The following TUBGCP2 variants were observed in gnomAD, a reference collection of about 807,000 sequenced individuals.
The protein encoded by TUBGCP2 is gamma-tubulin complex component 2.
A neutral mutation model predicts 92.2 loss-of-function variants in TUBGCP2; 55 were observed. That is an observed-to-expected ratio of 0.60 (90% CI 0.48 to 0.75). TUBGCP2 has a LOEUF of 0.75. TUBGCP2 is among the 30% of genes least tolerant of loss of function. The pLI is 0.00. For synonymous variants in TUBGCP2, 533 were observed against 505.2 expected, an observed-to-expected ratio of 1.06 and a Z score of -0.74; for missense variants, 1,093 against 1,188.9, an observed-to-expected ratio of 0.92 and a Z score of 1.19.
upstream of TUBGCP2, chr10:133,311,827 G>C: frequency 6.2e-7 from 1 of 1,613,382 alleles, no homozygotes; most frequent in Non-Finnish European, 8.5e-7. Context: ...GTGAGAGGCG[G>C]ATCTACAGAC....
rs775082021 is a variant in TUBGCP2 at position 133,302,961 on chromosome 10, G to A, written c.-20C>T. ...ACTCATAGTTTTAGCTCTGAGGCACGAACATCACAATATGTTCTCCTATAG... is the reference window on the plus strand; with the variant it reads ...ACTCATAGTTTTAGCTCTGAGGCACAAACATCACAATATGTTCTCCTATAG... On this transcript the variant is annotated 5_prime_UTR_variant, in exon 2 of 18. Coordinates refer to ENST00000252936, the MANE Select transcript of TUBGCP2 (RefSeq NM_006659.4). 175 of 1,613,816 alleles carry A rather than the reference G, an allele frequency of 1.1e-4. No homozygotes were observed. Among genetic ancestry groups the A allele is most frequent in the South Asian group, 6.1e-4 (56 of 91,070 alleles).
intron 10 of TUBGCP2, among the ~76,000 whole-genome samples, chr10:133,288,637 G>A (rs1847194616): frequency 6.6e-6 from 1 of 152,222 alleles, no homozygotes; most frequent in Non-Finnish European, 1.5e-5. Flanking sequence ...AGGGGAGCTG[G>A]GGCCCCTGGA....
intron 5 of TUBGCP2, among the ~76,000 whole-genome samples, chr10:133,294,724 T>C (rs746588660): frequency 6.6e-6 from 1 of 152,154 alleles, no homozygotes; most frequent in Non-Finnish European, 1.5e-5. Flanking sequence ...CAAGCGATCC[T>C]GTATCCTTAG....
At chr10:133,310,136 G>C, upstream of TUBGCP2, 1 of 1,613,274 alleles carries the variant, frequency 6.2e-7, no homozygotes, top group Non-Finnish European at 8.5e-7. Flanking sequence ...CCAGGGGTCA[G>C]AGGGAGGTGA....
chr10:133,283,261 G>C, intron 14 of TUBGCP2, 40 bp from the exon 15 acceptor site: 1 of 1,612,494 alleles, frequency 6.2e-7, no homozygotes, highest in Non-Finnish European at 8.5e-7. Flanking sequence ...GAAAGACGTG[G>C]CTGACAGACG....
chr10:133,287,612 C>T (rs1036112067), intron 11 of TUBGCP2, among the ~76,000 whole-genome samples: 32 of 133,752 alleles, frequency 2.4e-4, no homozygotes, highest in Admixed American at 1.8e-3. Flanking sequence ...CGTGGTGGCG[C>T]GCACCTGTAA....
chr10:133,285,200 G>C lies in TUBGCP2; in HGVS notation c.1909C>G (p.Arg637Gly), dbSNP rs757783441. The change falls in exon 13 of 18, where the codon CGC becomes GGC. Residue 637 changes from arginine to glycine, a missense_variant. Transcript: ENST00000252936. This position sits in a 1 kb window ranked among gnomAD's most constrained non-coding sequence, Gnocchi z 6.8. ...SLIINRKALT[R>G]YQMLFRHMFY... ...ATGTGCCTGAAGAGCATCTGGTAGC[G>C]AGTGAGGGCTTTCCTGCAAGAGACG... 6.2e-7 allele frequency: 1 copy of C among 1,612,706 alleles called. No individual in the cohort carries two copies. Among genetic ancestry groups the C allele is most frequent in the Non-Finnish European group, 8.5e-7 (1 of 1,179,996 alleles).
chr10:133,299,626 G>T (rs1847587124), intron 3 of TUBGCP2, 23 bp from the exon 4 acceptor site: 7 of 1,576,166 alleles, frequency 4.4e-6, no homozygotes, highest in African/African-American at 1.3e-5. Context: ...AAAACTGTGT[G>T]TTCACACTGG....
intron 1 of TUBGCP2, among the ~76,000 whole-genome samples, chr10:133,305,497 G>A (rs989705361): frequency 6.6e-6 from 1 of 152,090 alleles, no homozygotes; most frequent in Non-Finnish European, 1.5e-5. Flanking sequence ...CGGGCCCGCT[G>A]TCTTTTCTTT....
chr10:133,304,322 C>G (rs565685045), intron 1 of TUBGCP2, among the ~76,000 whole-genome samples: 1 of 152,302 alleles, frequency 6.6e-6, no homozygotes, highest in South Asian at 2.1e-4. Context: ...AAAACACAGG[C>G]AAGGCAACTG....
chr10:133,280,578 T>C (rs981674698), intron 17 of TUBGCP2, among the ~76,000 whole-genome samples: 10 of 152,048 alleles, frequency 6.6e-5, no homozygotes, highest in African/African-American at 2.4e-4. Flanking sequence ...AGCCGCAGGG[T>C]GCCAATGGGG....
At chr10:133,312,209 T>G, upstream of TUBGCP2, 1 of 1,400,382 alleles carries the variant, frequency 7.1e-7, no homozygotes, top group Non-Finnish European at 9.2e-7. Flanking sequence ...CCGTCTGCGT[T>G]TCTAGCGTCA....
chr10:133,307,537 C>T (rs1441133413), intron 1 of TUBGCP2, among the ~76,000 whole-genome samples: 2 of 152,242 alleles, frequency 1.3e-5, no homozygotes, highest in East Asian at 3.9e-4. Context: ...CATCACTCAA[C>T]ATTCTGAGAA....
chr10:133,279,764 G>A lies in TUBGCP2; in HGVS notation c.*2C>T, dbSNP rs780091131. On this transcript the variant is annotated 3_prime_UTR_variant, in exon 18 of 18. Transcript: ENST00000252936. ...ACCCTTCCTTCCTGTCACAGCCAGGGCTCACTGTGCGGTGACTGCGACCCT... is the reference window on the plus strand; with the variant it reads ...ACCCTTCCTTCCTGTCACAGCCAGGACTCACTGTGCGGTGACTGCGACCCT... 1.7e-5 allele frequency: 26 copies of A among 1,554,530 alleles called. No individual in the cohort carries two copies. The South Asian group carries it at 2.8e-4, about 17-fold the overall frequency.
chr10:133,290,153 G>A (rs1254328599), intron 8 of TUBGCP2, 184 bp from the exon 9 acceptor site: 1 of 801,792 alleles, frequency 1.2e-6, no homozygotes, highest in Non-Finnish European at 1.9e-6. Flanking sequence ...CGAACCTAGG[G>A]GCCGGGCACG....
At position 133,292,657 on chromosome 10, in the gene TUBGCP2, C is replaced by T; in HGVS notation, c.1056G>A (p.Gly352=). Residue 352 remains glycine, a synonymous_variant, in exon 8 of 18, where the codon GGG becomes GGA. Coordinates refer to ENST00000252936, the MANE Select transcript of TUBGCP2 (RefSeq NM_006659.4). ...CGTGGAGCAGGCTCAGCGTGGACCCCCCAAGACATTCGCCTTTGTCCACCG... is the reference window on the plus strand; with the variant it reads ...CGTGGAGCAGGCTCAGCGTGGACCCTCCAAGACATTCGCCTTTGTCCACCG... The part of the protein sequence containing the change: ...ATSVDKGECL[G]GSTLSLLHDR... 1 of 1,613,984 alleles carries T rather than the reference C, an allele frequency of 6.2e-7. No individual in the cohort carries two copies. The highest frequency in any genetic ancestry group is 8.5e-7 in the Non-Finnish European group (1 of 1,179,982).
At chr10:133,286,004 A>G (rs369838690) in intron 11 of TUBGCP2, among the ~76,000 whole-genome samples, 3 of 152,238 alleles carry the variant, frequency 2.0e-5, no homozygotes, top group African/African-American at 7.2e-5. Flanking sequence ...CGAGGGACAT[A>G]ATAGTTATTA....
chr10:133,285,358 G>T lies in TUBGCP2; in HGVS notation c.1895+98C>A. ...CTGAAGGCCGGGGAGAGCCGCCTTG[G>T]GTCCTCTGTGGGACGAGGTGGCCAC... On this transcript the variant is annotated intron_variant, in intron 12 of 17. Coordinates refer to ENST00000252936, the MANE Select transcript of TUBGCP2 (RefSeq NM_006659.4). This position sits in a 1 kb window ranked among gnomAD's most constrained non-coding sequence, Gnocchi z 6.8. 1 of 1,593,176 alleles carries T rather than the reference G, an allele frequency of 6.3e-7. No homozygotes were observed. Among genetic ancestry groups the T allele is most frequent in the Non-Finnish European group, 8.5e-7 (1 of 1,170,848 alleles).
chr10:133,309,917 C>T (rs768383316), upstream of TUBGCP2: 14 of 1,613,462 alleles, frequency 8.7e-6, no homozygotes, highest in Middle Eastern at 9.9e-4. Flanking sequence ...ACCTGCTGGA[C>T]GCCCACATCC....
Sources: gnomAD v4.1 joint callset for allele counts (sites outside exome capture counted in the v4.1 genomes callset) on GRCh38, gnomAD v4.1.1 for gene constraint, Gnocchi (gnomAD v3.1) non-coding constraint, MANE v1.5 for transcripts, NCBI Gene and HGNC (gene_info 2026-07-23, HGNC 2026-07-21) for gene names.